Variants in ANGPT2 observed in about 807,000 individuals in gnomAD.
ANGPT2 encodes angiopoietin-2.
Under a neutral mutation model 62.9 loss-of-function variants are expected in ANGPT2, and 28 were observed. That is an observed-to-expected ratio of 0.44 (90% CI 0.33 to 0.61). The LOEUF (loss-of-function observed/expected upper bound fraction) is 0.61. Among genes scored for constraint, ANGPT2 ranks in the 20% least tolerant of loss-of-function variants. The pLI, the probability that ANGPT2 is intolerant of heterozygous loss-of-function variation, is 0.03. For missense variants in ANGPT2, 727 were observed against 594.9 expected (o/e 1.22, Z -2.31); for synonymous variants, 284 against 207.8 (o/e 1.37, Z -3.15).
chr8:6,552,776 G>A lies in ANGPT2; in HGVS notation c.288+9871C>T, dbSNP rs143103551. Among the ~76,000 whole-genome samples, 163 of 151,430 alleles carry A rather than the reference G, an allele frequency of 1.1e-3. 2 individuals carry two copies. The highest frequency in any genetic ancestry group is 3.7e-3 in the African/African-American group (154 of 41,200). On this transcript the variant is annotated intron_variant, in intron 1 of 8. Transcript: ENST00000629816. ...TGATTGTTTCGGCCAGTTAATTAAGGCAAGAGATCACTCAACAATTGTTCT... is the reference window on the plus strand; with the variant it reads ...TGATTGTTTCGGCCAGTTAATTAAGACAAGAGATCACTCAACAATTGTTCT...
chr8:6,509,191 C>T, intron 7 of ANGPT2, 129 bp from the exon 8 acceptor site: 1 of 1,198,046 alleles, frequency 8.3e-7, no homozygotes, highest in East Asian at 2.4e-5. Context: ...CTAATGCATA[C>T]TCTGGACAAA....
rs142455787 is a variant in ANGPT2, at chr8:6,546,419, G to A, written c.289-13932C>T. ...TGCTACAGGAAAATTAGCATAGAGC[G>A]TAAAATGCAGGTGGCAGTGTCCAAT... On this transcript the variant is annotated intron_variant, in intron 1 of 8. Coordinates refer to ENST00000629816, the MANE Select transcript of ANGPT2 (RefSeq NM_001118887.2). 6.1e-3 allele frequency among the ~76,000 whole-genome samples: 936 copies of A among 152,324 alleles called. 31 individuals are homozygous for A. Among genetic ancestry groups the A allele is most frequent in the Admixed American group, 0.049 (757 of 15,294 alleles).
At chr8:6,516,553 A>G (rs1816311378) in intron 5 of ANGPT2, among the ~76,000 whole-genome samples, 1 of 152,222 alleles carries the variant, frequency 6.6e-6, no homozygotes, top group South Asian at 2.1e-4. Flanking sequence ...CATGAATAAT[A>G]CTGCCTCTTA....
chr8:6,524,076 T>C (rs903882307), intron 3 of ANGPT2, among the ~76,000 whole-genome samples: 4 of 152,148 alleles, frequency 2.6e-5, no homozygotes, highest in African/African-American at 9.7e-5. Flanking sequence ...CTTTTAAAAA[T>C]AGAAAAACAG....
At chr8:6,523,493 C>G (rs530317952) in intron 3 of ANGPT2, among the ~76,000 whole-genome samples, 1 of 152,266 alleles carries the variant, frequency 6.6e-6, no homozygotes, top group African/African-American at 2.4e-5. Flanking sequence ...GGAAACAAAT[C>G]CAAGAGAGTA....
intron 1 of ANGPT2, among the ~76,000 whole-genome samples, chr8:6,543,555 G>A (rs542377859): frequency 7.9e-5 from 12 of 152,346 alleles, no homozygotes; most frequent in African/African-American, 2.6e-4. Context: ...ATAGGGAAAA[G>A]CGCTGTCGTA....
chr8:6,521,488 C>G (rs1337086441), intron 3 of ANGPT2, 78 bp from the exon 4 acceptor site: 1 of 1,034,316 alleles, frequency 9.7e-7, no homozygotes, highest in East Asian at 2.6e-5. Flanking sequence ...TCTACTTCTC[C>G]AAGGTACTCT....
At chr8:6,513,490 A>G (rs112517090) in intron 7 of ANGPT2, among the ~76,000 whole-genome samples, 188 bp downstream of exon 7, 17 of 151,482 alleles carry the variant, frequency 1.1e-4, no homozygotes, top group African/African-American at 2.4e-4. Context: ...CCACCACCAC[A>G]CCTGGCTAAT....
Position 6,499,800 on chromosome 8 carries a change from C to T in ANGPT2, c.*3301G>A. The T allele has an allele frequency of 1.3e-6, 2 of 1,512,634 alleles. No homozygotes were observed. The highest frequency in any genetic ancestry group is 1.8e-6 in the Non-Finnish European group (2 of 1,089,790). The allele number at this position is 1,512,634 out of a possible 1,614,324, so 93.7% of individuals were successfully genotyped here. On this transcript the variant is annotated 3_prime_UTR_variant, in exon 9 of 9. Coordinates refer to ENST00000629816, the MANE Select transcript of ANGPT2 (RefSeq NM_001118887.2). ...CTTCAAAGTGATTCTTGGTTTATTGCCTGCTAAGGCTAATAAATGTATAAT... is the reference window on the plus strand; with the variant it reads ...CTTCAAAGTGATTCTTGGTTTATTGTCTGCTAAGGCTAATAAATGTATAAT...
chr8:6,521,377 G>C lies in ANGPT2; in HGVS notation c.600C>G (p.Asp200Glu). 1 of 1,613,340 alleles carries C rather than the reference G, an allele frequency of 6.2e-7. No homozygotes were observed. Among genetic ancestry groups the C allele is most frequent in the Non-Finnish European group, 8.5e-7 (1 of 1,179,868 alleles). Residue 200 changes from aspartate (D) to glutamate (E), a missense_variant, in exon 4 of 9, where the codon GAC becomes GAG. Transcript: ENST00000629816. Reference sequence around the variant, plus strand: ...TTGACTGTAGTTGGATGATGTGCTTGTCTTCCATAGCTAGCACCTTCTTTT... The same window carrying C: ...TTGACTGTAGTTGGATGATGTGCTTCTCTTCCATAGCTAGCACCTTCTTTT... ...FLEKKVLAMEDKHIIQLQSIK... is the reference protein window; with the variant it reads ...FLEKKVLAMEEKHIIQLQSIK...
chr8:6,510,689 A>G (rs955498421), intron 7 of ANGPT2, among the ~76,000 whole-genome samples: 2 of 152,300 alleles, frequency 1.3e-5, no homozygotes, highest in East Asian at 3.9e-4. Context: ...AGATGCAGCA[A>G]ATGCCTCTGC....
At chr8:6,524,881 G>C (rs1818041398) in intron 3 of ANGPT2, among the ~76,000 whole-genome samples, 1 of 152,198 alleles carries the variant, frequency 6.6e-6, no homozygotes, top group Non-Finnish European at 1.5e-5. Context: ...AGCACCTTCA[G>C]GTGAAAGGAA....
intron 8 of ANGPT2, among the ~76,000 whole-genome samples, chr8:6,505,962 AAC>A (rs1445268436): frequency 5.3e-4 from 1 of 1,898 alleles, no homozygotes; most frequent in Non-Finnish European, 4.1e-3. Flanking sequence ...TATATATAAA[AAC>A]ATACATATTC....
At chr8:6,510,570 C>T (rs975933462) in intron 7 of ANGPT2, among the ~76,000 whole-genome samples, 2 of 152,226 alleles carry the variant, frequency 1.3e-5, no homozygotes, top group Non-Finnish European at 2.9e-5. Context: ...CTTATAACCA[C>T]CTGCAGTGGT....
chr8:6,553,865 T>A (rs973041165), intron 1 of ANGPT2, among the ~76,000 whole-genome samples: 5 of 152,134 alleles, frequency 3.3e-5, no homozygotes, highest in African/African-American at 9.7e-5. Flanking sequence ...TGGATTTACA[T>A]GTAAGACAAC....
intron 7 of ANGPT2, among the ~76,000 whole-genome samples, chr8:6,510,867 T>C (rs1814921478): frequency 6.6e-6 from 1 of 152,228 alleles, no homozygotes; most frequent in Non-Finnish European, 1.5e-5. Flanking sequence ...GAACTGGACA[T>C]GTGAGTCTCA....
chr8:6,512,311 C>T (rs889434064), intron 7 of ANGPT2, among the ~76,000 whole-genome samples: 21 of 152,170 alleles, frequency 1.4e-4, no homozygotes, highest in Non-Finnish European at 2.6e-4. Context: ...ACAATCCTCC[C>T]CTGGGCAGCC....
chr8:6,557,496 A>G (rs897512198), intron 1 of ANGPT2, among the ~76,000 whole-genome samples: 3 of 152,118 alleles, frequency 2.0e-5, no homozygotes, highest in African/African-American at 7.2e-5. Context: ...ATAATTTAGG[A>G]GAAAATTCTC....
intron 1 of ANGPT2, among the ~76,000 whole-genome samples, chr8:6,539,450 T>C (rs1297670883): frequency 6.6e-6 from 1 of 152,168 alleles, no homozygotes; most frequent in Non-Finnish European, 1.5e-5. Context: ...CTAGTGGGTA[T>C]TGTGACTTCT....
Sources: gnomAD v4.1 joint callset for allele counts (sites outside exome capture counted in the v4.1 genomes callset) on GRCh38, gnomAD v4.1.1 for gene constraint, MANE v1.5 for transcripts, NCBI Gene and HGNC (gene_info 2026-07-23, HGNC 2026-07-21) for gene names.